The following SRPK2 variants were observed in gnomAD, a reference collection of about 807,000 sequenced individuals.
SRPK2 encodes the protein SRSF protein kinase 2, also known as SFRS protein kinase 2.
SRPK2 carries 21 observed loss-of-function variants against 90.8 expected under a neutral mutation model. The ratio of observed to expected loss-of-function variants is 0.23; its 90% CI spans 0.16 to 0.33. The LOEUF is 0.33. SRPK2 is among the 10% of genes least tolerant of loss of function. SRPK2 has a pLI of 1.00. For synonymous variants in SRPK2, 288 were observed against 311.1 expected (o/e 0.93, Z 0.78); for missense variants, 620 against 869.0 (o/e 0.71, Z 3.60).
Position 105,143,269 on chromosome 7 carries a change from T to A in SRPK2, c.875A>T (p.Glu292Val). 6.2e-7 allele frequency: 1 copy of A among 1,614,124 alleles called. No homozygotes were observed. The highest frequency in any genetic ancestry group is 1.3e-5 in the African/African-American group (1 of 75,062). ...CTCCTGCAGGCGCTTCTCCAATAACTCAGCCTGCCTCTTCTGTTTCTTTTT... is the reference window on the plus strand; with the variant it reads ...CTCCTGCAGGCGCTTCTCCAATAACACAGCCTGCCTCTTCTGTTTCTTTTT... Reference protein sequence around the residue: ...KLKKKQKRQAELLEKRLQEIE... With the variant: ...KLKKKQKRQAVLLEKRLQEIE... Residue 292 changes from glutamate (E) to valine (V), a missense_variant, in exon 10 of 16, where the codon GAG (glutamate) becomes GTG (valine). Coordinates refer to ENST00000393651, the MANE Select transcript of SRPK2 (RefSeq NM_182692.3).
chr7:105,206,392 TTTACCTACC>T, intron 2 of SRPK2: 1 of 172,540 alleles, frequency 5.8e-6, no homozygotes, highest in East Asian at 1.5e-4. Flanking sequence ...TCACTTACTC[TTTACCTACC>T]TGCTGAGCTG....
chr7:105,213,685 C>A (rs1797120672), intron 2 of SRPK2, among the ~76,000 whole-genome samples: 1 of 152,140 alleles, frequency 6.6e-6, no homozygotes, highest in African/African-American at 2.4e-5. Context: ...AAACTAAAGA[C>A]CCATACGCTC....
At position 105,363,677 on chromosome 7, in the gene SRPK2, G is replaced by A. The variant is rs530487739; in HGVS notation, c.71+24971C>T. Reference sequence around the variant, plus strand: ...ATTTGACCCAGCCATCTCATTACTGGGTATATACCCAAAGGATTATAAATC... The same window carrying A: ...ATTTGACCCAGCCATCTCATTACTGAGTATATACCCAAAGGATTATAAATC... On this transcript the variant is annotated intron_variant, in intron 2 of 15. Transcript: ENST00000393651. Among the ~76,000 whole-genome samples, 5 of 152,108 alleles carry A rather than the reference G, an allele frequency of 3.3e-5. No individual in the cohort carries two copies. The South Asian group carries it at 8.3e-4, about 25-fold the overall frequency.
chr7:105,374,969 TAA>T (rs1820121905), intron 2 of SRPK2, among the ~76,000 whole-genome samples: 1 of 151,868 alleles, frequency 6.6e-6, no homozygotes, highest in Non-Finnish European at 1.5e-5. Context: ...AAATCATATA[TAA>T]GAGATGATAA....
intron 2 of SRPK2, among the ~76,000 whole-genome samples, chr7:105,364,739 C>T (rs1248109732): frequency 6.6e-6 from 1 of 152,066 alleles, no homozygotes; most frequent in Non-Finnish European, 1.5e-5. Context: ...GATGTAGAAG[C>T]TAAATTAGAG....
At chr7:105,168,860 T>C (rs1563021121) in intron 4 of SRPK2, among the ~76,000 whole-genome samples, 1 of 151,570 alleles carries the variant, frequency 6.6e-6, no homozygotes, top group African/African-American at 2.4e-5. Context: ...ACGCCTATAC[T>C]ATACATTATG....
At chr7:105,193,072 G>T (rs752663058) in intron 3 of SRPK2, among the ~76,000 whole-genome samples, 17 of 152,196 alleles carry the variant, frequency 1.1e-4, no homozygotes, top group Non-Finnish European at 1.8e-4. Context: ...ACTTTGTTTT[G>T]ATCACATTTG....
At chr7:105,196,562 G>A (rs6949073) in intron 3 of SRPK2, among the ~76,000 whole-genome samples, 66,773 of 151,986 alleles carry the variant, frequency 0.44, 15,853 homozygotes, top group Non-Finnish European at 0.53. Flanking sequence ...GTAGCAGCCC[G>A]TCACGGCAAG....
intron 2 of SRPK2, among the ~76,000 whole-genome samples, chr7:105,240,221 TC>T (rs1800638591): frequency 6.6e-6 from 1 of 152,118 alleles, no homozygotes; most frequent in Non-Finnish European, 1.5e-5. Flanking sequence ...AAGGGGCCTT[TC>T]TCAGTCCTCT....
chr7:105,259,989 G>A (rs890708558), intron 2 of SRPK2, among the ~76,000 whole-genome samples: 7 of 152,126 alleles, frequency 4.6e-5, no homozygotes, highest in East Asian at 1.9e-4. Flanking sequence ...AAGACTTCAC[G>A]ACTAAAACAC....
chr7:105,245,971 G>C (rs1801604464), intron 2 of SRPK2, among the ~76,000 whole-genome samples: 1 of 152,176 alleles, frequency 6.6e-6, no homozygotes, highest in South Asian at 2.1e-4. Flanking sequence ...CACTGTTGTA[G>C]ACCCTGGCAA....
intron 2 of SRPK2, among the ~76,000 whole-genome samples, chr7:105,289,209 G>C (rs1250318652): frequency 6.6e-6 from 1 of 151,426 alleles, no homozygotes; most frequent in Non-Finnish European, 1.5e-5. Context: ...AGGAGGTGGA[G>C]CTTGCAGTGA....
At chr7:105,150,713 C>A (rs1260745847) in intron 7 of SRPK2, among the ~76,000 whole-genome samples, 1 of 152,012 alleles carries the variant, frequency 6.6e-6, no homozygotes, top group African/African-American at 2.4e-5. Context: ...ATCTGAACAA[C>A]AAAAGAGATT....
At chr7:105,213,998 G>A (rs1350639952) in intron 2 of SRPK2, among the ~76,000 whole-genome samples, 1 of 152,112 alleles carries the variant, frequency 6.6e-6, no homozygotes, top group Non-Finnish European at 1.5e-5. Flanking sequence ...AGGAAATAAG[G>A]GAAATCCTAA....
Position 105,204,782 on chromosome 7 carries a change from T to C in SRPK2, c.72-997A>G, listed in dbSNP as rs537492166. ...TCTTTAGCACCAGTTCCTCACACCATGCACCTGCTGTCACCCAGCATGCGC... is the reference window on the plus strand; with the variant it reads ...TCTTTAGCACCAGTTCCTCACACCACGCACCTGCTGTCACCCAGCATGCGC... On this transcript the variant is annotated intron_variant, in intron 2 of 15. Coordinates refer to ENST00000393651, the MANE Select transcript of SRPK2 (RefSeq NM_182692.3). The C allele has an allele frequency of 1.8e-4, 97 of 533,316 alleles. 1 individual carries two copies. The highest frequency in any genetic ancestry group is 1.5e-3 in the South Asian group (92 of 62,938). 33.0% of individuals were successfully genotyped at this position (533,316 alleles called of 1,614,324 possible). A position where few individuals can be genotyped will look rare whatever the true frequency, so the allele number is the denominator to read the frequency against.
intron 2 of SRPK2, among the ~76,000 whole-genome samples, chr7:105,284,860 T>G (rs991055534): frequency 1.3e-5 from 2 of 152,232 alleles, no homozygotes; most frequent in African/African-American, 4.8e-5. Context: ...GTCTACTTTA[T>G]TCCTGTCTTG....
intron 2 of SRPK2, among the ~76,000 whole-genome samples, chr7:105,377,166 G>C (rs908552637): frequency 2.0e-5 from 3 of 151,998 alleles, no homozygotes; most frequent in Non-Finnish European, 4.4e-5. Context: ...GTATTCCCTT[G>C]GTTTCTGTAA....
In SRPK2 at chr7:105,299,560, C is replaced by T. The variant is rs116364720; in HGVS notation, c.71+89088G>A. On this transcript the variant is annotated intron_variant, in intron 2 of 15. Coordinates refer to ENST00000393651, the MANE Select transcript of SRPK2 (RefSeq NM_182692.3). ...GAGAGATATAACGGTCCCATCACCT[C>T]ACAAGAAGCATAACTCATTTTGACA... Among the ~76,000 whole-genome samples the T allele has an allele frequency of 4.5e-3, 692 of 152,330 alleles. 5 individuals are homozygous for T. Among genetic ancestry groups the T allele is most frequent in the African/African-American group, 0.016 (661 of 41,566 alleles).
At chr7:105,343,762 T>C (rs1185284707) in intron 2 of SRPK2, among the ~76,000 whole-genome samples, 1 of 151,816 alleles carries the variant, frequency 6.6e-6, no homozygotes. Flanking sequence ...CATATCTTTT[T>C]TATTTTTTAT....
Sources: gnomAD v4.1 joint callset for allele counts (sites outside exome capture counted in the v4.1 genomes callset) on GRCh38, gnomAD v4.1.1 for gene constraint, MANE v1.5 for transcripts, NCBI Gene and HGNC (gene_info 2026-07-23, HGNC 2026-07-21) for gene names.